Variants in MYRIP observed in about 807,000 individuals in gnomAD.
The protein encoded by MYRIP is rab effector MyRIP.
A neutral mutation model predicts 98.0 loss-of-function variants in MYRIP; 49 were observed. That is an observed-to-expected ratio of 0.50 (90% CI 0.40 to 0.63). The LOEUF is 0.63. Ranked by LOEUF, MYRIP falls within the 30% of genes least tolerant of loss-of-function variation. The probability of loss-of-function intolerance (pLI) is 0.00; values close to 1 mark genes in which losing one functional copy is unlikely to be tolerated. For synonymous variants in MYRIP, 404 were observed against 409.5 expected, an observed-to-expected ratio of 0.99 and a Z score of 0.16; for missense variants, 1,004 against 1,058.2, an observed-to-expected ratio of 0.95 and a Z score of 0.71.
At chr3:39,815,965 A>ATTTG (rs1940891258) in intron 1 of MYRIP, among the ~76,000 whole-genome samples, 1 of 149,690 alleles carries the variant, frequency 6.7e-6, no homozygotes, top group South Asian at 2.1e-4. Context: ...AAGTTGAATT[A>ATTTG]TTAGCTATAA....
chr3:40,111,145 G>A (rs1052851045), intron 3 of MYRIP, among the ~76,000 whole-genome samples: 4 of 152,124 alleles, frequency 2.6e-5, no homozygotes, highest in African/African-American at 9.7e-5. Context: ...GGACATTGCC[G>A]GTGGTCAGGG....
chr3:40,056,618 T>C (rs6766178), intron 3 of MYRIP, among the ~76,000 whole-genome samples: 44,299 of 152,144 alleles, frequency 0.29, 6,529 homozygotes, highest in East Asian at 0.36. Flanking sequence ...ATTAACTCTT[T>C]AAATATGCAT....
intron 2 of MYRIP, among the ~76,000 whole-genome samples, chr3:39,985,593 C>T (rs1946012300): frequency 7.3e-6 from 1 of 137,748 alleles, no homozygotes. Context: ...CAGCATGGTA[C>T]TGGTACCAAA....
chr3:39,815,615 C>T (rs1940877765), intron 1 of MYRIP, among the ~76,000 whole-genome samples: 2 of 152,048 alleles, frequency 1.3e-5, no homozygotes, highest in Admixed American at 6.6e-5. Context: ...TGTAGATTCT[C>T]TGGATATTCT....
chr3:39,906,422 C>G (rs1042762147), intron 2 of MYRIP, among the ~76,000 whole-genome samples: 1 of 152,092 alleles, frequency 6.6e-6, no homozygotes. Flanking sequence ...TTTGATTGCC[C>G]TCTCTGCTTC....
At chr3:39,855,916 G>A (rs1942274908) in intron 1 of MYRIP, among the ~76,000 whole-genome samples, 2 of 152,132 alleles carry the variant, frequency 1.3e-5, no homozygotes, top group South Asian at 4.1e-4. Flanking sequence ...CCTCAATTCT[G>A]CTGGCTGCCT....
chr3:39,857,047 T>C (rs1942318028), intron 1 of MYRIP, among the ~76,000 whole-genome samples: 1 of 152,044 alleles, frequency 6.6e-6, no homozygotes, highest in Admixed American at 6.6e-5. Flanking sequence ...TAAGACCTTA[T>C]AGATTTTTTA....
chr3:39,954,962 G>C (rs1945118185), intron 2 of MYRIP, among the ~76,000 whole-genome samples: 1 of 151,838 alleles, frequency 6.6e-6, no homozygotes, highest in Non-Finnish European at 1.5e-5. Context: ...AGCAAGAAGA[G>C]AAGTTTAGAA....
At chr3:39,883,412 A>C (rs1289104701) in intron 1 of MYRIP, among the ~76,000 whole-genome samples, 1 of 152,006 alleles carries the variant, frequency 6.6e-6, no homozygotes, top group Non-Finnish European at 1.5e-5. Flanking sequence ...AGATGAGAAG[A>C]AATAAACATA....
At chr3:39,931,656 T>C (rs1322176573) in intron 2 of MYRIP, among the ~76,000 whole-genome samples, 1 of 152,174 alleles carries the variant, frequency 6.6e-6, no homozygotes, top group Non-Finnish European at 1.5e-5. Context: ...ATTTTTCATA[T>C]ATGCCTTCTA....
rs1575412380 is a variant in MYRIP at position 39,956,926 on chromosome 3, T to A, written c.110+56000T>A. The stretch of plus-strand genomic sequence containing the variant: ...CCCTACACAAATAAACTAGAAAATC[T>A]AGAAGAAATGGATAAATTCCTGGAC... On this transcript the variant is annotated intron_variant, in intron 2 of 16. Coordinates refer to ENST00000302541, the MANE Select transcript of MYRIP (RefSeq NM_015460.4). Among the ~76,000 whole-genome samples the A allele has an allele frequency of 2.0e-5, 3 of 151,792 alleles. No homozygotes were observed. In the South Asian group the frequency reaches 6.2e-4, roughly 31 times the overall value.
chr3:40,102,946 A>G (rs1312743747), intron 3 of MYRIP, among the ~76,000 whole-genome samples: 1 of 151,764 alleles, frequency 6.6e-6, no homozygotes, highest in Non-Finnish European at 1.5e-5. Flanking sequence ...AGGTATTTCT[A>G]TTCTATTTAG....
At chr3:40,018,273 C>T (rs1946913876) in intron 2 of MYRIP, among the ~76,000 whole-genome samples, 1 of 152,046 alleles carries the variant, frequency 6.6e-6, no homozygotes, top group Admixed American at 6.6e-5. Context: ...GCTCTTTTAC[C>T]ATCAGAAATT....
chr3:40,169,975 G>C lies in MYRIP; in HGVS notation c.755G>C (p.Ser252Thr), dbSNP rs1009396969. The change falls in exon 8 of 17, where the codon AGT becomes ACT. Residue 252 changes from serine to threonine, a missense_variant. By Grantham distance (58) the Ser-to-Thr change is moderately conservative. Coordinates refer to ENST00000302541, the MANE Select transcript of MYRIP (RefSeq NM_015460.4). ...QKIIRKQKSK[S>T]EQQVEEEPGW... ...ATTATACGAAAACAGAAGAGCAAAA[G>C]TGAGCAGCAAGTGGAAGAAGAGCCA... 1.2e-5 allele frequency: 19 copies of C among 1,614,090 alleles called. No individual in the cohort carries two copies. Among genetic ancestry groups the C allele is most frequent in the Non-Finnish European group, 1.5e-5 (18 of 1,180,042 alleles).
chr3:39,885,175 G>C (rs1392066645), intron 1 of MYRIP, among the ~76,000 whole-genome samples: 1 of 151,434 alleles, frequency 6.6e-6, no homozygotes, highest in Non-Finnish European at 1.5e-5. Flanking sequence ...TTCTTTTTGT[G>C]AACTCTATTT....
At chr3:39,914,239 A>G (rs1383879228) in intron 2 of MYRIP, among the ~76,000 whole-genome samples, 2 of 152,188 alleles carry the variant, frequency 1.3e-5, no homozygotes, top group Non-Finnish European at 2.9e-5. Context: ...TCAACAAATA[A>G]GACGGATAAC....
At chr3:40,087,482 G>A (rs1948652677) in intron 3 of MYRIP, among the ~76,000 whole-genome samples, 1 of 152,144 alleles carries the variant, frequency 6.6e-6, no homozygotes. Flanking sequence ...AGTGTGTTAT[G>A]AGAGACCAGG....
At chr3:39,851,998 C>T (rs896965783) in intron 1 of MYRIP, among the ~76,000 whole-genome samples, 2 of 152,162 alleles carry the variant, frequency 1.3e-5, no homozygotes, top group African/African-American at 2.4e-5. Context: ...CTAGAGTGCC[C>T]CTGCAGCCAG....
rs192673646 is a variant in MYRIP, at chr3:40,007,455, A to T, written c.111-36595A>T. 2.0e-3 allele frequency among the ~76,000 whole-genome samples: 302 copies of T among 152,328 alleles called. 3 individuals carry two copies. The highest frequency in any genetic ancestry group is 1.4e-3 in the Non-Finnish European group (95 of 68,026). On this transcript the variant is annotated intron_variant, in intron 2 of 16. Transcript: ENST00000302541. Reference sequence around the variant, plus strand: ...AACATACGTGAATGCTTCTGGCCTTAGCTCAGGTGTCCTCTCCTCATCAGT... The same window carrying T: ...AACATACGTGAATGCTTCTGGCCTTTGCTCAGGTGTCCTCTCCTCATCAGT...
Sources: gnomAD v4.1 joint callset for allele counts (sites outside exome capture counted in the v4.1 genomes callset) on GRCh38, gnomAD v4.1.1 for gene constraint, MANE v1.5 for transcripts, NCBI Gene and HGNC (gene_info 2026-07-23, HGNC 2026-07-21) for gene names.